ADAMTS17: variants seen among roughly 807,000 people sequenced by gnomAD.
ADAMTS17 encodes A disintegrin and metalloproteinase with thrombospondin motifs 17.
Under a neutral mutation model 141.5 loss-of-function variants are expected in ADAMTS17, and 113 were observed. The ratio of observed to expected loss-of-function variants is 0.80; its 90% confidence interval spans 0.69 to 0.93. The LOEUF is 0.93. Ranked by LOEUF, ADAMTS17 falls within the 40% of genes least tolerant of loss-of-function variation. ADAMTS17 has a pLI of 0.00. For missense variants in ADAMTS17, 1,659 were observed against 1,517.9 expected, an observed-to-expected ratio of 1.09 and a Z score of -1.54; for synonymous variants, 768 against 630.6, an observed-to-expected ratio of 1.22 and a Z score of -3.27.
intron 15 of ADAMTS17, among the ~76,000 whole-genome samples, chr15:100,076,459 G>A (rs1398422940): frequency 1.3e-5 from 2 of 152,166 alleles, no homozygotes; most frequent in African/African-American, 4.8e-5. Flanking sequence ...TTTTTAAAAA[G>A]TCATATGTTT....
chr15:100,204,856 C>T (rs1787430253), intron 7 of ADAMTS17, among the ~76,000 whole-genome samples: 1 of 152,308 alleles, frequency 6.6e-6, no homozygotes, highest in South Asian at 2.1e-4. Flanking sequence ...CCACTGCCAG[C>T]CCAAGCAATG....
At chr15:100,010,025 G>C (rs991072725) in intron 18 of ADAMTS17, among the ~76,000 whole-genome samples, 1 of 152,140 alleles carries the variant, frequency 6.6e-6, no homozygotes, top group Non-Finnish European at 1.5e-5. Context: ...TTTTTTTCCC[G>C]TGCTGTTCTC....
rs181111762 is a variant in ADAMTS17 at position 100,033,735 on chromosome 15, T to A, written c.2591+15122A>T. ...TGGATACAGGAGCTGCTCCAGCCAA[T>A]TCGGGGATCTTCTCTCCCAGACCAA... is the stretch of plus-strand genomic sequence containing the variant. On this transcript the variant is annotated intron_variant, in intron 18 of 21. Coordinates refer to ENST00000268070, the MANE Select transcript of ADAMTS17 (RefSeq NM_139057.4). Among the ~76,000 whole-genome samples, 14 of 152,312 alleles carry A rather than the reference T, an allele frequency of 9.2e-5. No homozygotes were observed. In the East Asian group the frequency reaches 2.3e-3, roughly 25 times the overall value.
intron 7 of ADAMTS17, among the ~76,000 whole-genome samples, chr15:100,222,518 G>T (rs1475274317): frequency 6.6e-6 from 1 of 152,228 alleles, no homozygotes; most frequent in Non-Finnish European, 1.5e-5. Flanking sequence ...TGGGCAACAT[G>T]TGCACCTGGG....
rs2060973986 is a variant in ADAMTS17, at chr15:100,003,576, G to A, written c.2592-5987C>T. Reference sequence around the variant, plus strand: ...AGATTAAAAAACGGTATGGTAAGATGTTTGCACACCTGTGTTCACAGCAGC... The same window carrying A: ...AGATTAAAAAACGGTATGGTAAGATATTTGCACACCTGTGTTCACAGCAGC... On this transcript the variant is annotated intron_variant, in intron 18 of 21. Coordinates refer to ENST00000268070, the MANE Select transcript of ADAMTS17 (RefSeq NM_139057.4). Among the ~76,000 whole-genome samples the A allele has an allele frequency of 2.0e-5, 3 of 152,112 alleles. No individual in the cohort carries two copies. The South Asian group carries it at 6.2e-4, about 31-fold the overall frequency.
chr15:100,079,763 C>T (rs1245199947), intron 15 of ADAMTS17, among the ~76,000 whole-genome samples: 1 of 152,188 alleles, frequency 6.6e-6, no homozygotes, highest in Non-Finnish European at 1.5e-5. Context: ...GCCAAGACTA[C>T]CATCCGTGGA....
intron 20 of ADAMTS17, among the ~76,000 whole-genome samples, 172 bp downstream of exon 20, chr15:99,992,876 G>A (rs760185028): frequency 2.0e-5 from 3 of 152,260 alleles, no homozygotes; most frequent in Non-Finnish European, 2.9e-5. Context: ...GGAGAAGCAG[G>A]GGAGGAAGCA....
intron 12 of ADAMTS17, chr15:100,129,444 A>G (rs991126517): frequency 2.0e-5 from 3 of 152,320 alleles, no homozygotes; most frequent in African/African-American, 7.2e-5. Context: ...CGTCGGCGCT[A>G]TAAGAAGTCA....
chr15:100,273,104 T>C (rs1157488322), intron 4 of ADAMTS17, among the ~76,000 whole-genome samples: 1 of 152,180 alleles, frequency 6.6e-6, no homozygotes, highest in Non-Finnish European at 1.5e-5. Flanking sequence ...TAGTATTTTA[T>C]TGAGGACTTT....
chr15:100,261,026 G>A (rs535243885), intron 6 of ADAMTS17, among the ~76,000 whole-genome samples: 4 of 152,210 alleles, frequency 2.6e-5, no homozygotes, highest in South Asian at 2.1e-4. Flanking sequence ...TAGCCACATC[G>A]ACATCAATGA....
rs184633972 is a variant in ADAMTS17 at position 100,323,741 on chromosome 15, G to C, written c.616+7148C>G. The stretch of plus-strand genomic sequence containing the variant: ...CAATAAAGATAAATGAACTAGATTT[G>C]CATTTATTAAGATGGATAAATCTAG... On this transcript the variant is annotated intron_variant, in intron 3 of 21. Transcript: ENST00000268070. Among the ~76,000 whole-genome samples the C allele has an allele frequency of 2.0e-4, 31 of 152,296 alleles. No homozygotes were observed. In the East Asian group the frequency reaches 3.7e-3, roughly 18 times the overall value.
At position 100,083,524 on chromosome 15, in the gene ADAMTS17, T is replaced by A. The variant is rs542003739; in HGVS notation, c.2137+12832A>T. On this transcript the variant is annotated intron_variant, in intron 15 of 21. Coordinates refer to ENST00000268070, the MANE Select transcript of ADAMTS17 (RefSeq NM_139057.4). Reference sequence around the variant, plus strand: ...TTGAAGACCTGAAAACAACCACATGTTCAATCATCCAGAAAGAAAGTTTCT... The same window carrying A: ...TTGAAGACCTGAAAACAACCACATGATCAATCATCCAGAAAGAAAGTTTCT... Among the ~76,000 whole-genome samples the A allele has an allele frequency of 2.0e-5, 3 of 152,246 alleles. No homozygotes were observed. The East Asian group carries it at 5.8e-4, about 29-fold the overall frequency.
intron 14 of ADAMTS17, among the ~76,000 whole-genome samples, chr15:100,102,700 C>T (rs962960960): frequency 1.3e-5 from 2 of 152,136 alleles, no homozygotes; most frequent in South Asian, 4.2e-4. Context: ...TGACCTCTAA[C>T]CCCAACGCAG....
At chr15:100,288,682 G>T (rs1338166625) in intron 3 of ADAMTS17, among the ~76,000 whole-genome samples, 1 of 152,134 alleles carries the variant, frequency 6.6e-6, no homozygotes, top group African/African-American at 2.4e-5. Flanking sequence ...TCAGAACAGT[G>T]CAATAAAAAT....
chr15:100,005,912 G>A (rs938027366), intron 18 of ADAMTS17, among the ~76,000 whole-genome samples: 2 of 152,064 alleles, frequency 1.3e-5, no homozygotes, highest in African/African-American at 2.4e-5. Flanking sequence ...GTGGCGGCTG[G>A]GAAGCCTTGG....
intron 12 of ADAMTS17, among the ~76,000 whole-genome samples, chr15:100,121,942 G>A (rs1283772843): frequency 6.6e-6 from 1 of 152,106 alleles, no homozygotes; most frequent in Non-Finnish European, 1.5e-5. Flanking sequence ...ACCTTTCCCT[G>A]ACATCTTAAG....
chr15:99,993,109 G>T lies in ADAMTS17; in HGVS notation c.2888C>A (p.Ala963Asp). Residue 963 changes from alanine (A) to aspartate (D), a missense_variant, in exon 20 of 22, where the codon GCC (alanine) becomes GAC (aspartate). Physicochemically the swap from Ala to Asp is moderately radical, Grantham distance 126. Transcript: ENST00000268070. The surrounding 1 kb of genome is among the most constrained non-coding windows in gnomAD (Gnocchi z 4.3). The part of the protein sequence containing the change: ...GKCDASTRPR[A>D]EEACEDYSGC... ...TGAGTAGTCCTCGCAGGCCTCCTCGGCTCTCGGCCTCGTGGATGCGTCGCA... is the reference window on the plus strand; with the variant it reads ...TGAGTAGTCCTCGCAGGCCTCCTCGTCTCTCGGCCTCGTGGATGCGTCGCA... 1 of 1,614,108 alleles carries T rather than the reference G, an allele frequency of 6.2e-7. No individual in the cohort carries two copies. The highest frequency in any genetic ancestry group is 1.3e-5 in the African/African-American group (1 of 75,028).
At chr15:100,262,499 C>G (rs2043559313) in intron 4 of ADAMTS17, 64 bp from the exon 5 acceptor site, 3 of 1,234,578 alleles carry the variant, frequency 2.4e-6, no homozygotes, top group African/African-American at 1.5e-5. Flanking sequence ...ACAGTAGTAT[C>G]CTAGATGGGA....
intron 10 of ADAMTS17, among the ~76,000 whole-genome samples, chr15:100,149,744 G>A (rs1388739559): frequency 6.6e-6 from 1 of 152,228 alleles, no homozygotes; most frequent in Non-Finnish European, 1.5e-5. Flanking sequence ...CCTTGTTCAG[G>A]TGTGCTCTCA....
Sources: gnomAD v4.1 joint callset for allele counts (sites outside exome capture counted in the v4.1 genomes callset) on GRCh38, gnomAD v4.1.1 for gene constraint, Gnocchi (gnomAD v3.1) non-coding constraint, MANE v1.5 for transcripts, NCBI Gene and HGNC (gene_info 2026-07-23, HGNC 2026-07-21) for gene names.